PKD2L2: variants seen among roughly 807,000 people sequenced by gnomAD.
The protein encoded by PKD2L2 is polycystin 2 like 2, transient receptor potential cation channel, also known as polycystin-2-like protein 2.
PKD2L2 carries 67 observed loss-of-function variants against 83.9 expected under a neutral mutation model. The ratio of observed to expected loss-of-function variants is 0.80; its 90% CI spans 0.66 to 0.98. The LOEUF is 0.98. Among genes scored for constraint, PKD2L2 ranks in the 50% least tolerant of loss-of-function variants. The pLI, the probability that PKD2L2 is intolerant of heterozygous loss-of-function variation, is 0.00. For synonymous variants in PKD2L2, 223 were observed against 237.8 expected, an observed-to-expected ratio of 0.94 and a Z score of 0.57; for missense variants, 632 against 717.2, an observed-to-expected ratio of 0.88 and a Z score of 1.36.
At chr5:137,890,682 G>A in intron 2 of PKD2L2, 100 bp downstream of exon 2, 1 of 547,942 alleles carries the variant, frequency 1.8e-6, no homozygotes, top group South Asian at 3.1e-5. Flanking sequence ...CAGGCTGTCA[G>A]GCTACTAAAA....
intron 9 of PKD2L2, among the ~76,000 whole-genome samples, chr5:137,923,016 C>CTT (rs576285427): frequency 7.2e-5 from 10 of 139,282 alleles, no homozygotes; most frequent in South Asian, 2.3e-4. Flanking sequence ...TTTTTCTTTT[C>CTT]TTTTTTTTTT....
chr5:137,924,907 G>C (rs537841445), intron 10 of PKD2L2, 133 bp from the exon 11 acceptor site: 1 of 632,638 alleles, frequency 1.6e-6, no homozygotes, highest in East Asian at 2.8e-5. Flanking sequence ...GATAATCATA[G>C]CATTTACCTC....
chr5:137,907,203 T>C (rs954441155), intron 6 of PKD2L2, among the ~76,000 whole-genome samples: 13 of 152,150 alleles, frequency 8.5e-5, no homozygotes, highest in African/African-American at 2.9e-4. Context: ...TCCACTAATA[T>C]CTTACAAAGG....
intron 8 of PKD2L2, among the ~76,000 whole-genome samples, chr5:137,910,136 G>A (rs1184994840): frequency 4.0e-5 from 6 of 151,794 alleles, no homozygotes; most frequent in Admixed American, 2.0e-4. Flanking sequence ...TGAGGCAGGA[G>A]GATCACTTGA....
At chr5:137,939,757 G>A (rs994809870) in intron 14 of PKD2L2, 41 of 701,670 alleles carry the variant, frequency 5.8e-5, no homozygotes, top group African/African-American at 5.1e-4. Context: ...ACACAGTTGC[G>A]TATGTGCACT....
chr5:137,918,665 T>C (rs1416843169), intron 8 of PKD2L2, among the ~76,000 whole-genome samples: 1 of 152,164 alleles, frequency 6.6e-6, no homozygotes, highest in Non-Finnish European at 1.5e-5. Flanking sequence ...AAAGCTGAAA[T>C]TGTCCAAAAT....
chr5:137,890,511 A>T lies in PKD2L2; in HGVS notation c.62A>T (p.Lys21Met), dbSNP rs1755870799. ...GASKHKLHYR[K>M]EVEITTTLQE... ...TCGAAACATAAGTTGCATTACAGAA[A>T]GGAAGTAGAAATTACAACCACACTT... The change falls in exon 2 of 15, where the codon AAG becomes ATG. Residue 21 changes from lysine (K) to methionine (M), a missense_variant. Transcript: ENST00000508883. 6.3e-7 allele frequency: 1 copy of T among 1,589,966 alleles called. No homozygotes were observed. The highest frequency in any genetic ancestry group is 8.6e-7 in the Non-Finnish European group (1 of 1,168,664).
Position 137,899,607 on chromosome 5 carries a change from A to C in PKD2L2, c.616A>C (p.Lys206Gln), listed in dbSNP as rs777609949. ...TGGGGGATACATTTTCACTTTATCA[A>C]AATCGAAATCTGAAACCAAAAACAA... ...RNGGYIFTLS[K>Q]SKSETKNKFI... The change falls in exon 5 of 15, where the codon AAA becomes CAA. Residue 206 changes from lysine to glutamine, a missense_variant. Lys to Gln is a moderately conservative substitution (Grantham distance 53). Coordinates refer to ENST00000508883, the MANE Select transcript of PKD2L2 (RefSeq NM_001300921.2). 1 of 1,613,940 alleles carries C rather than the reference A, an allele frequency of 6.2e-7. No homozygotes were observed. Among genetic ancestry groups the C allele is most frequent in the South Asian group, 1.1e-5 (1 of 91,080 alleles).
rs529250133 is a variant in PKD2L2 at position 137,933,246 on chromosome 5, T to G, written c.1672-2551T>G. 4.6e-5 allele frequency among the ~76,000 whole-genome samples: 7 copies of G among 152,254 alleles called. No homozygotes were observed. The South Asian group carries it at 1.5e-3, about 32-fold the overall frequency. On this transcript the variant is annotated intron_variant, in intron 12 of 14. Coordinates refer to ENST00000508883, the MANE Select transcript of PKD2L2 (RefSeq NM_001300921.2). The stretch of plus-strand genomic sequence containing the variant: ...ACTCCTGTGGCATACACATTTGCAC[T>G]TCCATAAAATGATGATTCCAAGCTT...
chr5:137,935,850 GTAT>G lies in PKD2L2; in HGVS notation c.1730_1732del (p.Tyr577del). The G allele has an allele frequency of 3.1e-6, 5 of 1,612,034 alleles. No individual in the cohort carries two copies. Among genetic ancestry groups the G allele is most frequent in the Non-Finnish European group, 4.2e-6 (5 of 1,178,192 alleles). Reference sequence around the variant, plus strand: ...AATGGAAAGAGAGGCTTGAGAAAAAGTATTATTCTATGGAAATTCAAGATGACT... The same window carrying G: ...AATGGAAAGAGAGGCTTGAGAAAAAGTATTCTATGGAAATTCAAGATGACT... On this transcript the variant is annotated inframe_deletion, in exon 13 of 15. Coordinates refer to ENST00000508883, the MANE Select transcript of PKD2L2 (RefSeq NM_001300921.2).
At chr5:137,913,409 C>T (rs1758032300) in intron 8 of PKD2L2, among the ~76,000 whole-genome samples, 1 of 151,064 alleles carries the variant, frequency 6.6e-6, no homozygotes. Context: ...TGGTCTTGAA[C>T]TCCTAGCCTC....
chr5:137,928,007 T>C (rs1233216281), intron 12 of PKD2L2, among the ~76,000 whole-genome samples: 2 of 151,978 alleles, frequency 1.3e-5, no homozygotes, highest in Non-Finnish European at 2.9e-5. Flanking sequence ...TTACCTAGAA[T>C]GGTCAATAAG....
chr5:137,917,779 C>T (rs999462264), intron 8 of PKD2L2, among the ~76,000 whole-genome samples: 4 of 152,058 alleles, frequency 2.6e-5, no homozygotes, highest in South Asian at 2.1e-4. Flanking sequence ...TACTAGCATG[C>T]GTTTTTCTTG....
intron 3 of PKD2L2, among the ~76,000 whole-genome samples, chr5:137,893,510 C>A (rs1034956416): frequency 1.3e-5 from 2 of 152,140 alleles, no homozygotes; most frequent in South Asian, 4.1e-4. Flanking sequence ...AGAACGCTTC[C>A]AGTGGTGATG....
intron 12 of PKD2L2, among the ~76,000 whole-genome samples, chr5:137,929,029 A>G (rs1300333895): frequency 6.6e-6 from 1 of 152,356 alleles, no homozygotes; most frequent in East Asian, 1.9e-4. Context: ...CATCTCTCAC[A>G]TACAATGAAA....
At chr5:137,941,833 C>T in intron 14 of PKD2L2, 6 of 882,742 alleles carry the variant, frequency 6.8e-6, no homozygotes, top group Non-Finnish European at 1.1e-5. Flanking sequence ...TTTTTCAGTG[C>T]TAGCATCCTA....
chr5:137,942,105 G>A lies in PKD2L2; in HGVS notation c.*18-279G>A, dbSNP rs1762024167. ...CTTGATTCATTATATTCTTAAGAGA[G>A]GTTCTATTTCTGGCTGCAAATTAAA... On this transcript the variant is annotated intron_variant, in intron 14 of 14. Coordinates refer to ENST00000508883, the MANE Select transcript of PKD2L2 (RefSeq NM_001300921.2). 4 of 1,406,890 alleles carry A rather than the reference G, an allele frequency of 2.8e-6. No homozygotes were observed. The African/African-American group carries it at 5.7e-5, about 20-fold the overall frequency. 87.2% of individuals were successfully genotyped at this position (1,406,890 alleles called of 1,614,324 possible).
At chr5:137,927,534 C>T (rs1041857460) in intron 12 of PKD2L2, among the ~76,000 whole-genome samples, 2 of 152,094 alleles carry the variant, frequency 1.3e-5, no homozygotes, top group Non-Finnish European at 2.9e-5. Flanking sequence ...AACTGATAAA[C>T]TTGAAAGAGA....
Position 137,942,291 on chromosome 5 carries a change from G to C in PKD2L2, c.*18-93G>C. The C allele has an allele frequency of 6.5e-6, 3 of 459,774 alleles. No individual in the cohort carries two copies. The East Asian group carries it at 9.9e-5, about 15-fold the overall frequency. The allele number at this position is 459,774 out of a possible 1,614,324, so 28.5% of individuals were successfully genotyped here. On this transcript the variant is annotated intron_variant, in intron 14 of 14. Coordinates refer to ENST00000508883, the MANE Select transcript of PKD2L2 (RefSeq NM_001300921.2). ...CACCATATCATCCAAAGGTAAAGAAGTGGATATAGAACAAAAAGATCAACT... is the reference window on the plus strand; with the variant it reads ...CACCATATCATCCAAAGGTAAAGAACTGGATATAGAACAAAAAGATCAACT...
Sources: allele counts gnomAD v4.1 joint callset (sites outside exome capture counted in the v4.1 genomes callset), GRCh38; gene constraint gnomAD v4.1.1; transcripts MANE v1.5; gene names NCBI Gene and HGNC (gene_info 2026-07-23, HGNC 2026-07-21).